The following ECE1 variants were observed in gnomAD, a reference collection of about 807,000 sequenced individuals.
ECE1 encodes endothelin-converting enzyme 1.
In ECE1, 35 loss-of-function variants were observed where a neutral mutation model predicts 98.6. The ratio of observed to expected loss-of-function variants is 0.35; its 90% CI spans 0.27 to 0.47. The LOEUF is 0.47. Among genes scored for constraint, ECE1 ranks in the 20% least tolerant of loss-of-function variants. ECE1 has a pLI of 1.00. For missense variants in ECE1, 814 were observed against 1,025.3 expected, an observed-to-expected ratio of 0.79 and a Z score of 2.81; for synonymous variants, 394 against 407.1, an observed-to-expected ratio of 0.97 and a Z score of 0.39.
intron 8 of ECE1, among the ~76,000 whole-genome samples, chr1:21,255,621 T>C (rs1447133879): frequency 6.6e-6 from 1 of 152,208 alleles, no homozygotes; most frequent in Non-Finnish European, 1.5e-5. Flanking sequence ...TGCTTGGTGC[T>C]GGAGAGACTG....
At position 21,255,933 on chromosome 1, in the gene ECE1, G is replaced by A. The variant is rs747169269; in HGVS notation, c.1020+14C>T. 34 of 1,613,446 alleles carry A rather than the reference G, an allele frequency of 2.1e-5. No homozygotes were observed. Among genetic ancestry groups the A allele is most frequent in the Middle Eastern group, 3.3e-4 (2 of 6,082 alleles). On this transcript the variant is annotated intron_variant, in intron 8 of 18. Coordinates refer to ENST00000374893, the MANE Select transcript of ECE1 (RefSeq NM_001397.3). ...GGCCATCCCAGCCTCCCTAGCAGCCGGCGCTCAAGTTACCTGCAGCTCGGC... is the reference window on the plus strand; with the variant it reads ...GGCCATCCCAGCCTCCCTAGCAGCCAGCGCTCAAGTTACCTGCAGCTCGGC...
intron 1 of ECE1, among the ~76,000 whole-genome samples, chr1:21,333,008 T>C (rs1441070915): frequency 6.6e-6 from 1 of 152,136 alleles, no homozygotes; most frequent in African/African-American, 2.4e-5. Context: ...TCTCACTGAA[T>C]ATTTGCAGTC....
chr1:21,262,023 C>A (rs1175568139), intron 4 of ECE1, among the ~76,000 whole-genome samples: 2 of 152,198 alleles, frequency 1.3e-5, no homozygotes, highest in Admixed American at 1.3e-4. Context: ...CCCAGCCTCA[C>A]CCCGAGAGCT....
At position 21,310,815 on chromosome 1, in the gene ECE1, G is replaced by A. The variant is rs79546062; in HGVS notation, c.4-20659C>T. Among the ~76,000 whole-genome samples the A allele has an allele frequency of 5.2e-3, 797 of 152,256 alleles. 5 individuals are homozygous for A. Among genetic ancestry groups the A allele is most frequent in the Non-Finnish European group, 7.7e-3 (525 of 68,016 alleles). ...ACTACTTTTGACGAACGAAGAAAACGAAGGATCAAGGAATAGAAGGGGTTG... is the reference window on the plus strand; with the variant it reads ...ACTACTTTTGACGAACGAAGAAAACAAAGGATCAAGGAATAGAAGGGGTTG... On this transcript the variant is annotated intron_variant, in intron 1 of 18. Coordinates refer to the ECE1 transcript ENST00000415912.
intron 13 of ECE1, among the ~76,000 whole-genome samples, chr1:21,234,688 G>A (rs891186183): frequency 1.3e-5 from 2 of 152,036 alleles, no homozygotes; most frequent in Admixed American, 1.3e-4. Flanking sequence ...TATGTTGCCC[G>A]GGCTGGTCTT....
chr1:21,300,595 C>T (rs182670138), intron 1 of ECE1, among the ~76,000 whole-genome samples: 31 of 152,188 alleles, frequency 2.0e-4, no homozygotes, highest in Admixed American at 5.2e-4. Context: ...CCACCACACC[C>T]GGCTAATTTT....
chr1:21,330,322 G>A lies in ECE1; in HGVS notation c.3+15054C>T, dbSNP rs984796763. Reference sequence around the variant, plus strand: ...ATGATCTCCACTCACTGCAACCTCTGCCTCCCGGGTTCAAGTGATTCTCAG... The same window carrying A: ...ATGATCTCCACTCACTGCAACCTCTACCTCCCGGGTTCAAGTGATTCTCAG... On this transcript the variant is annotated intron_variant, in intron 1 of 18. Transcript: ENST00000415912. Among the ~76,000 whole-genome samples, 9 of 139,330 alleles carry A rather than the reference G, an allele frequency of 6.5e-5. 1 individual carries two copies. The highest frequency in any genetic ancestry group is 5.7e-4 in the Admixed American group (7 of 12,358). 91.4% of individuals were successfully genotyped at this position (139,330 alleles called of 152,430 possible).
intron 1 of ECE1, among the ~76,000 whole-genome samples, chr1:21,306,429 T>C (rs1451851334): frequency 1.3e-5 from 2 of 151,802 alleles, no homozygotes. Context: ...CTCCGCCTCC[T>C]GGGTTCAAGC....
chr1:21,297,005 G>A (rs1420082567), intron 1 of ECE1, among the ~76,000 whole-genome samples: 1 of 152,180 alleles, frequency 6.6e-6, no homozygotes, highest in Non-Finnish European at 1.5e-5. Flanking sequence ...AAGGGCACAG[G>A]GCAGAGGTAG....
At chr1:21,236,878 C>T (rs200228020) in intron 11 of ECE1, 34 bp from the exon 12 acceptor site, 116 of 1,580,302 alleles carry the variant, frequency 7.3e-5, no homozygotes, top group African/African-American at 1.3e-4. Context: ...GTAAGGTCTG[C>T]GCACTGGTCT....
rs1319589506 is a variant in ECE1, at chr1:21,319,259, C to G, written c.3+26117G>C. ...ACTTGGGAGGCTGAGGTGGGACAATCGCTTGAACCCGGGAAGTGGAGGTTG... is the reference window on the plus strand; with the variant it reads ...ACTTGGGAGGCTGAGGTGGGACAATGGCTTGAACCCGGGAAGTGGAGGTTG... On this transcript the variant is annotated intron_variant, in intron 1 of 18. Coordinates refer to the ECE1 transcript ENST00000415912. This position sits in a 1 kb window ranked among gnomAD's most constrained non-coding sequence, Gnocchi z 4.4. Among the ~76,000 whole-genome samples the G allele has an allele frequency of 6.6e-6, 1 of 152,170 alleles. No homozygotes were observed. Among genetic ancestry groups the G allele is most frequent in the Non-Finnish European group, 1.5e-5 (1 of 68,026 alleles).
Position 21,236,766 on chromosome 1 carries a change from G to T in ECE1, c.1468C>A (p.Arg490=). 6.2e-7 allele frequency: 1 copy of T among 1,613,788 alleles called. No individual in the cohort carries two copies. Among genetic ancestry groups the T allele is most frequent in the Non-Finnish European group, 8.5e-7 (1 of 1,179,998 alleles). Residue 490 remains arginine, a synonymous_variant, in exon 12 of 19, where the codon CGA becomes AGA. Transcript: ENST00000374893. The stretch of plus-strand genomic sequence containing the variant: ...CTCACCTTTTCCTTGGCTGATTTTC[G>T]GGTTTCCTCATCCATCCACTTCAGG... The part of the protein sequence containing the change: ...STLKWMDEET[R]KSAKEKADAI...
chr1:21,224,569 G>T (rs530886078), intron 17 of ECE1, among the ~76,000 whole-genome samples: 12 of 152,048 alleles, frequency 7.9e-5, no homozygotes, highest in Admixed American at 1.3e-4. Flanking sequence ...ACTTAAGAAG[G>T]CCTCAATAAA....
At chr1:21,234,143 A>C (rs1226682539) in intron 13 of ECE1, among the ~76,000 whole-genome samples, 2 of 151,626 alleles carry the variant, frequency 1.3e-5, no homozygotes, top group Non-Finnish European at 2.9e-5. Context: ...GCATGCCACC[A>C]AGCCCAGCTA....
chr1:21,247,098 C>G, intron 9 of ECE1, 123 bp downstream of exon 9: 1 of 1,386,768 alleles, frequency 7.2e-7, no homozygotes. Flanking sequence ...CCTGCTGCCT[C>G]TCGTAAAAGC....
chr1:21,308,351 C>T (rs1159874240), intron 1 of ECE1, among the ~76,000 whole-genome samples: 2 of 152,140 alleles, frequency 1.3e-5, no homozygotes, highest in Non-Finnish European at 2.9e-5. Flanking sequence ...ACCCCGGAGA[C>T]CACCTGTGTA....
At position 21,260,415 on chromosome 1, in the gene ECE1, T is replaced by G; in HGVS notation, c.494-23A>C. ...TTTCTGGAACAACAGACAGTGGAGTTTGCAATGCGGCCCCACTTGCCCACT... is the reference window on the plus strand; with the variant it reads ...TTTCTGGAACAACAGACAGTGGAGTGTGCAATGCGGCCCCACTTGCCCACT... On this transcript the variant is annotated intron_variant, in intron 4 of 18. Coordinates refer to ENST00000374893, the MANE Select transcript of ECE1 (RefSeq NM_001397.3). This position sits in a 1 kb window ranked among gnomAD's most constrained non-coding sequence, Gnocchi z 4.3. 6.2e-7 allele frequency: 1 copy of G among 1,614,146 alleles called. No homozygotes were observed. The highest frequency in any genetic ancestry group is 8.5e-7 in the Non-Finnish European group (1 of 1,180,032).
At chr1:21,324,326 G>A (rs563861387) in intron 1 of ECE1, among the ~76,000 whole-genome samples, 1 of 152,334 alleles carries the variant, frequency 6.6e-6, no homozygotes, top group African/African-American at 2.4e-5. Context: ...AACTGGGTGG[G>A]CAGAGGAAGC....
At chr1:21,315,594 G>C (rs1638814216) in intron 1 of ECE1, among the ~76,000 whole-genome samples, 1 of 152,092 alleles carries the variant, frequency 6.6e-6, no homozygotes, top group African/African-American at 2.4e-5. Flanking sequence ...AGGAGTTTGA[G>C]ACCAGCCTGG....
Sources: gnomAD v4.1 joint callset for allele counts (sites outside exome capture counted in the v4.1 genomes callset) on GRCh38, gnomAD v4.1.1 for gene constraint, Gnocchi (gnomAD v3.1) non-coding constraint, MANE v1.5 for transcripts, NCBI Gene and HGNC (gene_info 2026-07-23, HGNC 2026-07-21) for gene names.